Variants in NECAP1 observed in about 807,000 individuals in gnomAD.
NECAP1 encodes the protein adaptin ear-binding coat-associated protein 1.
In NECAP1, 13 loss-of-function variants were observed where a neutral mutation model predicts 33.4. The ratio of observed to expected loss-of-function variants is 0.39; its 90% CI spans 0.25 to 0.62. The LOEUF (loss-of-function observed/expected upper bound fraction) is 0.62. Ranked by LOEUF, NECAP1 falls within the 20% of genes least tolerant of loss-of-function variation. NECAP1 has a pLI of 0.52. For missense variants in NECAP1, 272 were observed against 347.4 expected (o/e 0.78, Z 1.73); for synonymous variants, 109 against 125.2 (o/e 0.87, Z 0.86).
chr12:8,095,837 G>A (rs1947588932), intron 7 of NECAP1, 134 bp downstream of exon 7: 1 of 1,123,362 alleles, frequency 8.9e-7, no homozygotes, highest in Admixed American at 2.1e-5. Context: ...TCTAGTGAAG[G>A]AAATATAGTA....
rs756790613 is a variant in NECAP1 at position 8,095,878 on chromosome 12, A to G, written c.780-164A>G. The G allele has an allele frequency of 8.7e-4, 961 of 1,105,354 alleles. 3 individuals are homozygous for G. Among genetic ancestry groups the G allele is most frequent in the South Asian group, 1.2e-3 (82 of 67,362 alleles). The allele number at this position is 1,105,354 out of a possible 1,614,324, so 68.5% of individuals were successfully genotyped here. On this transcript the variant is annotated intron_variant, in intron 7 of 7. Transcript: ENST00000339754. ...GGGAATGGGGGGACAAAAAAGCTGT[A>G]GGATGAGGTTTGAGTGGGATATTTC...
intron 6 of NECAP1, chr12:8,094,797 A>C (rs527470055): frequency 9.5e-4 from 145 of 152,182 alleles, no homozygotes; most frequent in Non-Finnish European, 1.6e-3. Flanking sequence ...GTGTAGGTTC[A>C]TGGATCCACC....
intron 1 of NECAP1, chr12:8,089,617 T>G: frequency 4.2e-6 from 1 of 240,468 alleles, no homozygotes; most frequent in East Asian, 9.1e-5. Flanking sequence ...CACCTTGGCC[T>G]CCCAAAGTGC....
At chr12:8,093,187 C>T in intron 6 of NECAP1, 132 bp downstream of exon 6, 5 of 884,678 alleles carry the variant, frequency 5.7e-6, no homozygotes, top group Admixed American at 2.8e-5. Context: ...CTGTCAGCTT[C>T]TAGCAAGGAA....
intron 3 of NECAP1, chr12:8,090,544 T>C (rs1324523424): frequency 4.5e-6 from 2 of 440,630 alleles, no homozygotes; most frequent in Non-Finnish European, 8.3e-6. Context: ...ATCTAACAAA[T>C]GAATTAACAC....
chr12:8,084,621 A>G (rs954093140), intron 1 of NECAP1, among the ~76,000 whole-genome samples: 9 of 151,532 alleles, frequency 5.9e-5, no homozygotes, highest in Admixed American at 1.3e-4. Context: ...TTCAACTCCC[A>G]CTTGTGAGTG....
At chr12:8,082,444 C>A in intron 1 of NECAP1, 61 bp downstream of exon 1, 3 of 1,455,376 alleles carry the variant, frequency 2.1e-6, no homozygotes, top group South Asian at 1.2e-5. Context: ...GCTTCCTTCT[C>A]AGCTAGCACG....
chr12:8,086,340 C>T (rs910749219), intron 1 of NECAP1, among the ~76,000 whole-genome samples: 11 of 152,100 alleles, frequency 7.2e-5, no homozygotes, highest in Non-Finnish European at 1.6e-4. Flanking sequence ...AGGCTGAGTG[C>T]GGTGGCTCAT....
intron 1 of NECAP1, among the ~76,000 whole-genome samples, chr12:8,085,084 A>G (rs1229075156): frequency 6.6e-6 from 1 of 152,074 alleles, no homozygotes; most frequent in Non-Finnish European, 1.5e-5. Context: ...CGCTGGCGCA[A>G]TCTCAGCTCG....
At position 8,091,452 on chromosome 12, in the gene NECAP1, G is replaced by A. The variant is rs113930369; in HGVS notation, c.302-317G>A. 2,410 of 331,132 alleles carry A rather than the reference G, an allele frequency of 7.3e-3. 61 individuals carry two copies. Among genetic ancestry groups the A allele is most frequent in the African/African-American group, 0.048 (2,272 of 47,196 alleles). 20.5% of individuals were successfully genotyped at this position (331,132 alleles called of 1,614,324 possible). On this transcript the variant is annotated intron_variant, in intron 3 of 7. Coordinates refer to ENST00000339754, the MANE Select transcript of NECAP1 (RefSeq NM_015509.4). ...TTCCTGCAACTAGACGGGGGTGATG[G>A]GAGACAGTGACAGATCATCAGGCAT...
chr12:8,087,757 T>G (rs1947505359), intron 1 of NECAP1, among the ~76,000 whole-genome samples: 1 of 152,076 alleles, frequency 6.6e-6, no homozygotes. Flanking sequence ...AATAACTCAT[T>G]AATATAATAG....
At chr12:8,093,120 G>C in intron 6 of NECAP1, 65 bp downstream of exon 6, 1 of 1,484,828 alleles carries the variant, frequency 6.7e-7, no homozygotes, top group South Asian at 1.2e-5. Context: ...ACACCTGTTT[G>C]TCAAGGAGAG....
Position 8,096,107 on chromosome 12 carries a change from A to G in NECAP1, c.*17A>G, listed in dbSNP as rs756193524. 9 of 1,613,408 alleles carry G rather than the reference A, an allele frequency of 5.6e-6. No individual in the cohort carries two copies. The highest frequency in any genetic ancestry group is 4.4e-5 in the South Asian group (4 of 91,030). On this transcript the variant is annotated 3_prime_UTR_variant, in exon 8 of 8. Transcript: ENST00000339754. Reference sequence around the variant, plus strand: ...CAGTTCTGAATGGCATTGGCAGGACATTAAGGACAGACTTGAGGAATAAAA... The same window carrying G: ...CAGTTCTGAATGGCATTGGCAGGACGTTAAGGACAGACTTGAGGAATAAAA...
Position 8,090,223 on chromosome 12 carries a change from A to T in NECAP1, c.225A>T (p.Glu75Asp), listed in dbSNP as rs1267957996. 6.2e-7 allele frequency: 1 copy of T among 1,614,162 alleles called. No homozygotes were observed. The highest frequency in any genetic ancestry group is 1.1e-5 in the South Asian group (1 of 91,090). Residue 75 changes from glutamate to aspartate, a missense_variant, in exon 3 of 8, where the codon GAA becomes GAT. By Grantham distance (45) the Glu-to-Asp change is conservative. Transcript: ENST00000339754. ...SGELFAQAPVEQYPGIAVETV... is the reference protein window; with the variant it reads ...SGELFAQAPVDQYPGIAVETV... ...AGCTCTTTGCTCAGGCACCAGTAGA[A>T]CAATATCCTGGTATTGCTGTGGAGA...
At position 8,096,566 on chromosome 12, in the gene NECAP1, C is replaced by T. The variant is rs1191587581; in HGVS notation, c.*476C>T. 1 of 154,260 alleles carries T rather than the reference C, an allele frequency of 6.5e-6. No individual in the cohort carries two copies. The allele number at this position is 154,260 out of a possible 1,614,324, so 9.6% of individuals were successfully genotyped here. On this transcript the variant is annotated 3_prime_UTR_variant, in exon 8 of 8. Coordinates refer to ENST00000339754, the MANE Select transcript of NECAP1 (RefSeq NM_015509.4). The stretch of plus-strand genomic sequence containing the variant: ...CAGGACTAAAAATGGACAGGCTGAC[C>T]TCAGTGTTTACAAATTCAGAATTTT...
rs781624241 is a variant in NECAP1 at position 8,090,002 on chromosome 12, G to T, written c.162G>T (p.Lys54Asn). Residue 54 changes from lysine to asparagine, a missense_variant, in exon 2 of 8, where the codon AAG becomes AAT. Lys to Asn is a moderately conservative substitution (Grantham distance 94). Coordinates refer to ENST00000339754, the MANE Select transcript of NECAP1 (RefSeq NM_015509.4). The part of the protein sequence containing the change: ...TGRLRITSKG[K>N]TAYIKLEDKV... ...GCCTCCGAATCACTTCAAAAGGGAA[G>T]ACTGCCTATATCAAACTCGAGGATA... The T allele has an allele frequency of 5.6e-6, 9 of 1,614,184 alleles. No individual in the cohort carries two copies. The South Asian group carries it at 9.9e-5, about 18-fold the overall frequency.
intron 1 of NECAP1, among the ~76,000 whole-genome samples, chr12:8,086,355 G>A (rs970673307): frequency 6.6e-6 from 1 of 152,174 alleles, no homozygotes; most frequent in Non-Finnish European, 1.5e-5. Flanking sequence ...GCTCATATCT[G>A]TAATCCCAGG....
At chr12:8,095,812 G>A (rs1190480305) in intron 7 of NECAP1, 109 bp downstream of exon 7, 1 of 1,237,598 alleles carries the variant, frequency 8.1e-7, no homozygotes, top group African/African-American at 1.5e-5. Flanking sequence ...GTCACATAGA[G>A]TCTTTTGGAA....
At chr12:8,095,245 T>C (rs1947583970) in intron 6 of NECAP1, 1 of 147,282 alleles carries the variant, frequency 6.8e-6, no homozygotes, top group African/African-American at 2.6e-5. Context: ...ATTTTTTTTT[T>C]TTTTTTTTTT....
Sources: gnomAD v4.1 joint callset for allele counts (sites outside exome capture counted in the v4.1 genomes callset) on GRCh38, gnomAD v4.1.1 for gene constraint, MANE v1.5 for transcripts, NCBI Gene and HGNC (gene_info 2026-07-23, HGNC 2026-07-21) for gene names.